The following PROS1 variants were observed in gnomAD, a reference collection of about 807,000 sequenced individuals.
The protein encoded by PROS1 is protein S.
Under a neutral mutation model 75.9 loss-of-function variants are expected in PROS1, and 29 were observed. The ratio of observed to expected loss-of-function variants is 0.38; its 90% confidence interval spans 0.28 to 0.52. The LOEUF is 0.52. Ranked by LOEUF, PROS1 falls within the 20% of genes least tolerant of loss-of-function variation. PROS1 has a pLI of 0.83. For missense variants in PROS1, 680 were observed against 810.3 expected, an observed-to-expected ratio of 0.84 and a Z score of 1.95; for synonymous variants, 245 against 280.6, an observed-to-expected ratio of 0.87 and a Z score of 1.27.
chr3:93,890,135 C>T (rs1708411161), intron 10 of PROS1, among the ~76,000 whole-genome samples: 3 of 152,082 alleles, frequency 2.0e-5, no homozygotes, highest in East Asian at 1.9e-4. Flanking sequence ...GGGATAAGGA[C>T]TGAAATACGC....
chr3:93,947,936 A>C (rs1709432000), intron 1 of PROS1, among the ~76,000 whole-genome samples: 1 of 152,168 alleles, frequency 6.6e-6, no homozygotes, highest in African/African-American at 2.4e-5. Context: ...CACAATTTTC[A>C]CATAGGCACC....
At position 93,928,037 on chromosome 3, in the gene PROS1, C is replaced by T. The variant is rs553455918; in HGVS notation, c.77-630G>A. Reference sequence around the variant, plus strand: ...TTTTTTTTTTTTTTTTTTTTTGAGACGGAGTCTCGCTCTGTCGCCCAGGCT... The same window carrying T: ...TTTTTTTTTTTTTTTTTTTTTGAGATGGAGTCTCGCTCTGTCGCCCAGGCT... On this transcript the variant is annotated intron_variant, in intron 1 of 14. Transcript: ENST00000394236. 3.4e-4 allele frequency among the ~76,000 whole-genome samples: 27 copies of T among 80,274 alleles called. 1 individual carries two copies. In the South Asian group the frequency reaches 5.0e-3, roughly 15 times the overall value. The allele number at this position is 80,274 out of a possible 152,430, so 52.7% of individuals were successfully genotyped here.
intron 1 of PROS1, among the ~76,000 whole-genome samples, chr3:93,933,840 C>A (rs547497327): frequency 6.6e-6 from 1 of 151,906 alleles, no homozygotes; most frequent in Non-Finnish European, 1.5e-5. Flanking sequence ...GAAACCCCGT[C>A]TCTACTAAAA....
chr3:93,889,364 A>G (rs1576178317), intron 10 of PROS1, among the ~76,000 whole-genome samples: 1 of 152,216 alleles, frequency 6.6e-6, no homozygotes, highest in Non-Finnish European at 1.5e-5. Context: ...GGATTAGCAC[A>G]TAGAAGTGCC....
intron 12 of PROS1, 35 bp downstream of exon 12, chr3:93,884,693 A>T: frequency 6.4e-7 from 1 of 1,571,128 alleles, no homozygotes; most frequent in Non-Finnish European, 8.7e-7. Flanking sequence ...TTTACTCATT[A>T]ATGAGAAAAT....
chr3:93,882,325 G>A (rs1307829645), intron 12 of PROS1, among the ~76,000 whole-genome samples: 2 of 152,188 alleles, frequency 1.3e-5, no homozygotes, highest in African/African-American at 2.4e-5. Context: ...GATTTAGGAT[G>A]TTCACAGAAG....
intron 1 of PROS1, among the ~76,000 whole-genome samples, chr3:93,972,869 G>C (rs1472204781): frequency 1.3e-5 from 2 of 151,804 alleles, no homozygotes; most frequent in Admixed American, 1.3e-4. Context: ...ACAAAAAGGC[G>C]TTTTTATTCA....
At chr3:93,903,553 C>T (rs1322502586) in intron 6 of PROS1, among the ~76,000 whole-genome samples, 1 of 151,988 alleles carries the variant, frequency 6.6e-6, no homozygotes, top group African/African-American at 2.4e-5. Flanking sequence ...ACCTGTAGTC[C>T]CAGCTACTTG....
intron 10 of PROS1, among the ~76,000 whole-genome samples, chr3:93,889,890 G>A (rs1227943639): frequency 2.0e-5 from 3 of 152,094 alleles, no homozygotes; most frequent in Non-Finnish European, 2.9e-5. Context: ...GAATAACAGC[G>A]ATTTTAGGGA....
intron 1 of PROS1, among the ~76,000 whole-genome samples, chr3:93,937,175 C>T (rs943129503): frequency 1.3e-5 from 2 of 152,040 alleles, no homozygotes; most frequent in South Asian, 2.1e-4. Context: ...AGTTTCTGTC[C>T]CTTTTAAGGG....
At position 93,886,412 on chromosome 3, in the gene PROS1, G is replaced by T. The variant is rs565325519; in HGVS notation, c.1247C>A (p.Pro416Gln). The T allele has an allele frequency of 2.5e-6, 4 of 1,613,568 alleles. No homozygotes were observed. The South Asian group carries it at 4.4e-5, about 18-fold the overall frequency. The change falls in exon 11 of 15, where the codon CCG becomes CAG. Residue 416 changes from proline (P) to glutamine (Q), a missense_variant. By Grantham distance (76) the Pro-to-Gln change is moderately conservative. Coordinates refer to ENST00000394236, the MANE Select transcript of PROS1 (RefSeq NM_000313.4). ...DINKPGPLFK[P>Q]ENGLLETKVY... is the part of the protein sequence containing the mutation. ...TTTGGTTTCCAGCAATCCATTTTCC[G>T]GCTTAAAAAGGGGTCCAGGTTTATT... is the stretch of plus-strand genomic sequence containing the variant.
intron 1 of PROS1, among the ~76,000 whole-genome samples, chr3:93,943,584 G>A (rs566814230): frequency 6.6e-5 from 10 of 152,018 alleles, no homozygotes; most frequent in Admixed American, 5.2e-4. Flanking sequence ...GAGAAACATT[G>A]ACCATTATCT....
chr3:93,880,393 A>T (rs577021273), intron 12 of PROS1, among the ~76,000 whole-genome samples: 18 of 152,090 alleles, frequency 1.2e-4, no homozygotes, highest in Non-Finnish European at 2.1e-4. Flanking sequence ...TCCCAGCTAC[A>T]ACTCGGGAGG....
At chr3:93,945,670 AGAGC>A (rs2107233487) in intron 1 of PROS1, among the ~76,000 whole-genome samples, 1 of 152,340 alleles carries the variant, frequency 6.6e-6, no homozygotes, top group Admixed American at 6.5e-5. Context: ...CAAAATAATA[AGAGC>A]TATTTATGAC....
chr3:93,879,160 T>TAA lies in PROS1; in HGVS notation c.1644+2_1644+3insTT, dbSNP rs1218619325. 6.2e-7 allele frequency: 1 copy of TAA among 1,613,574 alleles called. No individual in the cohort carries two copies. Among genetic ancestry groups the TAA allele is most frequent in the Non-Finnish European group, 8.5e-7 (1 of 1,179,682 alleles). On this transcript the variant is annotated splice_region_variant and intron_variant, in intron 13 of 14. Coordinates refer to ENST00000394236, the MANE Select transcript of PROS1 (RefSeq NM_000313.4). The stretch of plus-strand genomic sequence containing the variant: ...GGCTTATATAGGTTTAGAGTTAAGT[T>TAA]ACCTGTGATTTTTCAGAGGTGGAGT...
rs751566951 is a variant in PROS1 at position 93,927,418 on chromosome 3, C to A, written c.77-11G>T. The A allele has an allele frequency of 6.2e-7, 1 of 1,613,270 alleles. No individual in the cohort carries two copies. Among genetic ancestry groups the A allele is most frequent in the Admixed American group, 1.7e-5 (1 of 59,940 alleles). Reference sequence around the variant, plus strand: ...GTTGCTTTGACAAAACTGAAGGAAACAATCAGTTTATATGAATTAATCATT... The same window carrying A: ...GTTGCTTTGACAAAACTGAAGGAAAAAATCAGTTTATATGAATTAATCATT... On this transcript the variant is annotated splice_polypyrimidine_tract_variant and intron_variant, in intron 1 of 14. Coordinates refer to ENST00000394236, the MANE Select transcript of PROS1 (RefSeq NM_000313.4).
intron 3 of PROS1, among the ~76,000 whole-genome samples, chr3:93,915,530 A>C (rs1437995557): frequency 6.6e-6 from 1 of 152,144 alleles, no homozygotes; most frequent in Admixed American, 6.5e-5. Flanking sequence ...TTGCTTAGAA[A>C]TCTCTGCTAT....
rs7614835 is a variant in PROS1, at chr3:93,927,365, C to T, written c.119G>A (p.Arg40His). Residue 40 changes from arginine (R) to histidine (H), a missense_variant, in exon 2 of 15, where the codon CGT becomes CAT. Arg to His is a conservative substitution (Grantham distance 29). Coordinates refer to ENST00000394236, the MANE Select transcript of PROS1 (RefSeq NM_000313.4). ...QQASQVLVRK[R>H]RANSLLEETK... Reference sequence around the variant, plus strand: ...TTCTTCAAGTAAAGAATTTGCACGACGCTTCCTAACCAGGACTTGTGAAGC... The same window carrying T: ...TTCTTCAAGTAAAGAATTTGCACGATGCTTCCTAACCAGGACTTGTGAAGC... The T allele has an allele frequency of 6.6e-5, 106 of 1,613,974 alleles. No homozygotes were observed. In the Admixed American group the frequency reaches 1.5e-3, roughly 23 times the overall value.
chr3:93,920,319 A>C (rs1708928270), intron 3 of PROS1, among the ~76,000 whole-genome samples: 3 of 152,158 alleles, frequency 2.0e-5, no homozygotes, highest in Admixed American at 1.3e-4. Flanking sequence ...AGATCATGAA[A>C]TATCTTTCCA....
Sources: gnomAD v4.1 joint callset for allele counts (sites outside exome capture counted in the v4.1 genomes callset) on GRCh38, gnomAD v4.1.1 for gene constraint, MANE v1.5 for transcripts, NCBI Gene and HGNC (gene_info 2026-07-23, HGNC 2026-07-21) for gene names.